The following PHACTR2 variants were observed in gnomAD, a reference collection of about 807,000 sequenced individuals.
PHACTR2 encodes the protein phosphatase and actin regulator 2.
A neutral mutation model predicts 76.0 loss-of-function variants in PHACTR2; 30 were observed. The ratio of observed to expected loss-of-function variants is 0.39; its 90% confidence interval spans 0.30 to 0.54. The LOEUF is 0.54. Among genes scored for constraint, PHACTR2 ranks in the 20% least tolerant of loss-of-function variants. The pLI is 0.61. For synonymous variants in PHACTR2, 292 were observed against 292.5 expected (o/e 1.00, Z 0.02); for missense variants, 696 against 781.1 (o/e 0.89, Z 1.30).
chr6:143,773,522 G>T (rs1775201212), intron 7 of PHACTR2, among the ~76,000 whole-genome samples: 1 of 141,386 alleles, frequency 7.1e-6, no homozygotes, highest in East Asian at 2.1e-4. Flanking sequence ...CTTTTAATTT[G>T]CATGGAGCAA....
At chr6:143,538,899 G>A (rs933947626) in intron 1 of PHACTR2, among the ~76,000 whole-genome samples, 1 of 152,178 alleles carries the variant, frequency 6.6e-6, no homozygotes, top group African/African-American at 2.4e-5. Context: ...ATTGTGAAAA[G>A]CATTGAGTCC....
Position 143,688,922 on chromosome 6 carries a change from G to T in PHACTR2, c.46+10713G>T, listed in dbSNP as rs1777579828. The stretch of plus-strand genomic sequence containing the variant: ...CCCACTGCACTTGGAATGAAATCCA[G>T]ATTGCATAGTATGGCCCTCGAGGCT... On this transcript the variant is annotated intron_variant, in intron 1 of 12. Coordinates refer to ENST00000440869, the MANE Select transcript of PHACTR2 (RefSeq NM_001100164.2). The surrounding 1 kb of genome is among the most constrained non-coding windows in gnomAD (Gnocchi z 5.2). Among the ~76,000 whole-genome samples the T allele has an allele frequency of 6.6e-6, 1 of 152,218 alleles. No homozygotes were observed. The highest frequency in any genetic ancestry group is 2.1e-4 in the South Asian group (1 of 4,834).
At chr6:143,741,599 A>T (rs1778944626) in intron 2 of PHACTR2, among the ~76,000 whole-genome samples, 1 of 152,236 alleles carries the variant, frequency 6.6e-6, no homozygotes, top group Non-Finnish European at 1.5e-5. Flanking sequence ...CATAAGAAAT[A>T]GATGATTACT....
chr6:143,659,445 A>G lies in PHACTR2; in HGVS notation c.13+51123A>G, dbSNP rs912785834. ...CGTCTCATCCAAGGCTTGACTGAGGAAGGATACACCTGGAAGTGCATGTGG... is the reference window on the plus strand; with the variant it reads ...CGTCTCATCCAAGGCTTGACTGAGGGAGGATACACCTGGAAGTGCATGTGG... On this transcript the variant is annotated intron_variant, in intron 1 of 11. Coordinates refer to the PHACTR2 transcript ENST00000305766. The surrounding 1 kb of genome is among the most constrained non-coding windows in gnomAD (Gnocchi z 5.0). Among the ~76,000 whole-genome samples the G allele has an allele frequency of 1.3e-5, 2 of 152,172 alleles. No individual in the cohort carries two copies. Among genetic ancestry groups the G allele is most frequent in the Non-Finnish European group, 2.9e-5 (2 of 68,024 alleles).
At chr6:143,588,091 G>A (rs17072795) in intron 1 of PHACTR2, among the ~76,000 whole-genome samples, 9,913 of 150,406 alleles carry the variant, frequency 0.066, 430 homozygotes, top group East Asian at 0.14. Context: ...AAATATTACT[G>A]GCAGTGAAAG....
At chr6:143,657,263 A>G (rs1325707471) in intron 1 of PHACTR2, among the ~76,000 whole-genome samples, 1 of 152,126 alleles carries the variant, frequency 6.6e-6, no homozygotes, top group Non-Finnish European at 1.5e-5. Flanking sequence ...AAATTGTGGT[A>G]CAATGTACAT....
rs935820437 is a variant in PHACTR2 at position 143,738,590 on chromosome 6, A to G, written c.215-10395A>G. Among the ~76,000 whole-genome samples the G allele has an allele frequency of 1.3e-5, 2 of 151,830 alleles. No homozygotes were observed. The highest frequency in any genetic ancestry group is 2.4e-5 in the African/African-American group (1 of 41,318). On this transcript the variant is annotated intron_variant, in intron 2 of 12. Coordinates refer to ENST00000440869, the MANE Select transcript of PHACTR2 (RefSeq NM_001100164.2). This position sits in a 1 kb window ranked among gnomAD's most constrained non-coding sequence, Gnocchi z 4.0. ...CATGACAAAACCCCATCTCTTAAAAAAAATACAAAACAAAAATTAGCTGGG... is the reference window on the plus strand; with the variant it reads ...CATGACAAAACCCCATCTCTTAAAAGAAATACAAAACAAAAATTAGCTGGG...
rs552551450 is a variant in PHACTR2 at position 143,559,444 on chromosome 6, G to A, written c.217+22237G>A. Among the ~76,000 whole-genome samples the A allele has an allele frequency of 2.6e-5, 4 of 152,238 alleles. No individual in the cohort carries two copies. In the South Asian group the frequency reaches 8.3e-4, roughly 32 times the overall value. The stretch of plus-strand genomic sequence containing the variant: ...CATGAGTTATTTATTAGTTTGTGAT[G>A]CTACATATATCAATGGTAACCCTAT... On this transcript the variant is annotated intron_variant, in intron 1 of 11. Coordinates refer to the PHACTR2 transcript ENST00000367584.
rs1269421656 is a variant in PHACTR2, at chr6:143,815,617, G to A, written c.1923-8057G>A. On this transcript the variant is annotated intron_variant, in intron 12 of 12. Transcript: ENST00000440869. Reference sequence around the variant, plus strand: ...TGAATAAATTTACAGGAAGGGCTGGGCGCAGTGGCTCATGCCTGTAATCCC... The same window carrying A: ...TGAATAAATTTACAGGAAGGGCTGGACGCAGTGGCTCATGCCTGTAATCCC... Among the ~76,000 whole-genome samples the A allele has an allele frequency of 2.0e-5, 3 of 152,220 alleles. No homozygotes were observed. The East Asian group carries it at 5.8e-4, about 29-fold the overall frequency.
chr6:143,685,735 C>G (rs1169213155), intron 1 of PHACTR2, among the ~76,000 whole-genome samples: 2 of 146,612 alleles, frequency 1.4e-5, no homozygotes, highest in African/African-American at 5.1e-5. Context: ...ATGAGTTTAG[C>G]AAAGATTAAA....
rs1157858181 is a variant in PHACTR2, at chr6:143,830,574, CA to C, written c.*6886del. On this transcript the variant is annotated 3_prime_UTR_variant, in exon 13 of 13. Coordinates refer to ENST00000440869, the MANE Select transcript of PHACTR2 (RefSeq NM_001100164.2). ...GTGGGTATAAATATCTACAAGTATACACACATATGTACTTGTATTCCACTAT... is the reference window on the plus strand; with the variant it reads ...GTGGGTATAAATATCTACAAGTATACCACATATGTACTTGTATTCCACTAT... 4.6e-5 allele frequency: 7 copies of C among 152,136 alleles called. No individual in the cohort carries two copies. Among genetic ancestry groups the C allele is most frequent in the African/African-American group, 1.7e-4 (7 of 41,422 alleles). The allele number at this position is 152,136 out of a possible 1,614,324, so 9.4% of individuals were successfully genotyped here.
chr6:143,572,415 A>G (rs1331646803), intron 1 of PHACTR2, among the ~76,000 whole-genome samples: 1 of 152,218 alleles, frequency 6.6e-6, no homozygotes, highest in African/African-American at 2.4e-5. Flanking sequence ...TCCATCAAAT[A>G]TATCCCAACT....
intron 1 of PHACTR2, among the ~76,000 whole-genome samples, chr6:143,573,873 T>C (rs1775476057): frequency 6.6e-6 from 1 of 152,198 alleles, no homozygotes; most frequent in African/African-American, 2.4e-5. Context: ...TCCATAACTG[T>C]TTATGGAATC....
In PHACTR2 at chr6:143,678,194, C is replaced by T; in HGVS notation, c.31C>T (p.Pro11Ser). 6.5e-7 allele frequency: 1 copy of T among 1,537,556 alleles called. No individual in the cohort carries two copies. Among genetic ancestry groups the T allele is most frequent in the Non-Finnish European group, 8.8e-7 (1 of 1,141,432 alleles). Residue 11 changes from proline to serine, a missense_variant, in exon 1 of 13, where the codon CCG becomes TCG. This residue lies in a region of PHACTR2 where 460 missense variants were observed against 450.9 expected (regional missense o/e 1.02). Coordinates refer to ENST00000440869, the MANE Select transcript of PHACTR2 (RefSeq NM_001100164.2). This position sits in a 1 kb window ranked among gnomAD's most constrained non-coding sequence, Gnocchi z 6.2. MGQTSVSTLS[P>S]QPGSVDGLDK... is the part of the protein sequence containing the mutation. The stretch of plus-strand genomic sequence containing the variant: ...CCAGACCTCGGTGTCCACGCTGTCC[C>T]CGCAGCCCGGCAGCGGTGAGTCCGG...
rs370403674 is a variant in PHACTR2, at chr6:143,775,865, G to A, written c.1590-1463G>A. ...GTTTTTGTTAAAATCCTAAACAAAC[G>A]AGGAGTTGTAATCCCAGCACTTTGG... On this transcript the variant is annotated intron_variant, in intron 8 of 12. Transcript: ENST00000440869. The surrounding 1 kb of genome is among the most constrained non-coding windows in gnomAD (Gnocchi z 4.4). 4.6e-5 allele frequency among the ~76,000 whole-genome samples: 7 copies of A among 152,114 alleles called. No individual in the cohort carries two copies. In the East Asian group the frequency reaches 5.8e-4, roughly 13 times the overall value.
Position 143,539,383 on chromosome 6 carries a change from A to C in PHACTR2, c.217+2176A>C, listed in dbSNP as rs1781151737. ...TCCCTTTAAGAGCAGACTAAATGTG[A>C]TCAGGAGCTCCCTGCTCTTAGAGTC... On this transcript the variant is annotated intron_variant, in intron 1 of 11. Coordinates refer to the PHACTR2 transcript ENST00000367584. This position sits in a 1 kb window ranked among gnomAD's most constrained non-coding sequence, Gnocchi z 4.3. 6.6e-6 allele frequency among the ~76,000 whole-genome samples: 1 copy of C among 152,188 alleles called. No individual in the cohort carries two copies. Among genetic ancestry groups the C allele is most frequent in the Non-Finnish European group, 1.5e-5 (1 of 68,030 alleles).
chr6:143,603,699 T>C (rs1186862802), upstream of PHACTR2, among the ~76,000 whole-genome samples: 1 of 152,222 alleles, frequency 6.6e-6, no homozygotes, highest in Admixed American at 6.5e-5. Context: ...TGGTTAATAG[T>C]TCAGGGATTT....
chr6:143,768,487 T>C (rs1775005627), intron 6 of PHACTR2, among the ~76,000 whole-genome samples: 1 of 152,208 alleles, frequency 6.6e-6, no homozygotes, highest in Non-Finnish European at 1.5e-5. Context: ...TTGTTCAATA[T>C]ACTAAAGAAT....
intron 2 of PHACTR2, among the ~76,000 whole-genome samples, chr6:143,735,179 G>C (rs116487309): frequency 0.022 from 3,344 of 152,214 alleles, 130 homozygotes; most frequent in African/African-American, 0.075. Flanking sequence ...AGCCTAGACT[G>C]TAAGTTTTGA....
Sources: allele counts gnomAD v4.1 joint callset (sites outside exome capture counted in the v4.1 genomes callset), GRCh38; gene constraint gnomAD v4.1.1; regional missense constraint gnomAD v4.1.1; non-coding constraint Gnocchi (gnomAD v3.1); transcripts MANE v1.5; gene names NCBI Gene and HGNC (gene_info 2026-07-23, HGNC 2026-07-21).